The following TBX15 variants were observed in gnomAD, a reference collection of about 807,000 sequenced individuals.
TBX15 encodes T-box transcription factor 15, also known as T-box transcription factor TBX15.
Under a neutral mutation model 53.9 loss-of-function variants are expected in TBX15, and 18 were observed. The observed-to-expected ratio is 0.33, with a 90% CI of 0.23 to 0.49. The LOEUF is 0.49. Among genes scored for constraint, TBX15 ranks in the 20% least tolerant of loss-of-function variants. The probability of loss-of-function intolerance (pLI) is 0.98; values close to 1 mark genes in which losing one functional copy is unlikely to be tolerated. For synonymous variants in TBX15, 295 were observed against 278.0 expected (o/e 1.06, Z -0.61); for missense variants, 692 against 749.5 (o/e 0.92, Z 0.90).
intron 6 of TBX15, among the ~76,000 whole-genome samples, chr1:118,903,610 T>C (rs1048911619): frequency 6.6e-6 from 1 of 152,158 alleles, no homozygotes; most frequent in African/African-American, 2.4e-5. Flanking sequence ...AGACAACGTA[T>C]GCTATAGGTT....
At chr1:118,893,529 G>GAAAGAAAGAAA (rs1571150621) in intron 7 of TBX15, among the ~76,000 whole-genome samples, 3 of 47,788 alleles carry the variant, frequency 6.3e-5, no homozygotes, top group South Asian at 1.6e-3. Flanking sequence ...AAAGAAAGAA[G>GAAAGAAAGAAA]GAAAGAAAGA....
intron 1 of TBX15, among the ~76,000 whole-genome samples, chr1:118,970,097 C>T (rs1256381761): frequency 6.6e-6 from 1 of 152,238 alleles, no homozygotes; most frequent in East Asian, 1.9e-4. Context: ...TTCCCCTTCA[C>T]CTCTGCCATG....
At chr1:118,905,979 A>G (rs1052831939) in intron 6 of TBX15, among the ~76,000 whole-genome samples, 1 of 152,170 alleles carries the variant, frequency 6.6e-6, no homozygotes, top group African/African-American at 2.4e-5. Flanking sequence ...GTACACTGTC[A>G]TTAGCTGGAT....
At chr1:118,899,416 A>G (rs547367080) in intron 6 of TBX15, among the ~76,000 whole-genome samples, 1 of 152,186 alleles carries the variant, frequency 6.6e-6, no homozygotes, top group Non-Finnish European at 1.5e-5. Flanking sequence ...AAAGCATGGT[A>G]AGTATTAAAG....
At chr1:118,893,210 G>C (rs771802181) in intron 7 of TBX15, among the ~76,000 whole-genome samples, 1 of 150,212 alleles carries the variant, frequency 6.7e-6, no homozygotes, top group African/African-American at 2.5e-5. Flanking sequence ...CTGCACTCCA[G>C]CCTGGGTGAC....
At chr1:118,922,716 TA>T (rs1455319531) in intron 5 of TBX15, among the ~76,000 whole-genome samples, 2 of 152,126 alleles carry the variant, frequency 1.3e-5, no homozygotes, top group Admixed American at 6.6e-5. Context: ...TAAAAGAAGG[TA>T]AAGGATGTGA....
At chr1:118,920,230 A>G (rs545070430) in intron 5 of TBX15, among the ~76,000 whole-genome samples, 31 of 152,334 alleles carry the variant, frequency 2.0e-4, no homozygotes, top group South Asian at 1.2e-3. Context: ...TTGGACATGC[A>G]AGCCAAAGTT....
rs529473694 is a variant in TBX15 at position 118,927,001 on chromosome 1, G to A, written c.420-390C>T. Among the ~76,000 whole-genome samples, 3 of 152,208 alleles carry A rather than the reference G, an allele frequency of 2.0e-5. 1 individual carries two copies. In the South Asian group the frequency reaches 6.2e-4, roughly 32 times the overall value. On this transcript the variant is annotated intron_variant, in intron 2 of 7. Transcript: ENST00000369429. ...GGCCTCCCAAAGTACTGAGATTACA[G>A]GTGTGAGCCAATGCACCCAGCCTAA...
At chr1:118,892,208 T>G (rs1056897888) in intron 7 of TBX15, among the ~76,000 whole-genome samples, 1 of 152,166 alleles carries the variant, frequency 6.6e-6, no homozygotes, top group Non-Finnish European at 1.5e-5. Context: ...ACATAATCTC[T>G]TAAATGGTTG....
At chr1:118,978,733 T>C (rs1657524128) in intron 1 of TBX15, among the ~76,000 whole-genome samples, 1 of 152,264 alleles carries the variant, frequency 6.6e-6, no homozygotes, top group African/African-American at 2.4e-5. Flanking sequence ...GTTTCTGATA[T>C]ATTTTACAAT....
At chr1:118,887,925 C>T (rs182427979) in intron 7 of TBX15, among the ~76,000 whole-genome samples, 48 of 152,234 alleles carry the variant, frequency 3.2e-4, no homozygotes, top group Admixed American at 5.2e-4. Context: ...TAAATTTTGA[C>T]AAAGCCTAAC....
chr1:118,934,470 A>G (rs1023965327), intron 1 of TBX15, among the ~76,000 whole-genome samples: 1 of 152,216 alleles, frequency 6.6e-6, no homozygotes, highest in African/African-American at 2.4e-5. Flanking sequence ...ATGAAGTACC[A>G]TGCAGATAAT....
intron 1 of TBX15, among the ~76,000 whole-genome samples, chr1:118,935,029 C>T (rs1655921022): frequency 6.6e-6 from 1 of 152,160 alleles, no homozygotes; most frequent in African/African-American, 2.4e-5. Flanking sequence ...AATAAAGTTA[C>T]TGTTACTTTT....
chr1:118,912,830 A>T (rs1766788), intron 6 of TBX15, among the ~76,000 whole-genome samples: 96,137 of 152,054 alleles, frequency 0.63, 31,016 homozygotes, highest in Middle Eastern at 0.7. Flanking sequence ...GTAGTCCATA[A>T]GCCTGAGTTC....
chr1:118,890,826 C>A (rs995410045), intron 7 of TBX15: 3 of 1,237,400 alleles, frequency 2.4e-6, no homozygotes, highest in Non-Finnish European at 3.2e-6. Context: ...TAAGGCAAAA[C>A]CCCATCTAGG....
chr1:118,961,348 T>C (rs1404475499), intron 1 of TBX15, among the ~76,000 whole-genome samples: 2 of 152,244 alleles, frequency 1.3e-5, no homozygotes, highest in Non-Finnish European at 2.9e-5. Context: ...ATTGCTATGA[T>C]GAGAGTGTGA....
intron 1 of TBX15, among the ~76,000 whole-genome samples, chr1:118,970,146 G>C (rs1657183190): frequency 1.3e-5 from 2 of 152,170 alleles, no homozygotes; most frequent in Non-Finnish European, 2.9e-5. Flanking sequence ...CATGCCTACT[G>C]TACAGCCTGT....
intron 7 of TBX15, among the ~76,000 whole-genome samples, chr1:118,886,723 T>C (rs933817932): frequency 6.6e-6 from 1 of 152,192 alleles, no homozygotes; most frequent in African/African-American, 2.4e-5. Context: ...AAAGCATAGA[T>C]TGCTGACTCC....
chr1:118,937,730 G>T (rs1656013393), intron 1 of TBX15, among the ~76,000 whole-genome samples: 1 of 152,218 alleles, frequency 6.6e-6, no homozygotes, highest in African/African-American at 2.4e-5. Flanking sequence ...CAACCCGGAT[G>T]ATAGACAATT....
Sources: gnomAD v4.1 joint callset for allele counts (sites outside exome capture counted in the v4.1 genomes callset) on GRCh38, gnomAD v4.1.1 for gene constraint, MANE v1.5 for transcripts, NCBI Gene and HGNC (gene_info 2026-07-23, HGNC 2026-07-21) for gene names.